The following ARID1B variants were observed in gnomAD, a reference collection of about 807,000 sequenced individuals.
ARID1B encodes the protein AT-rich interaction domain 1B.
In ARID1B, 30 loss-of-function variants were observed where a neutral mutation model predicts 212.3. The ratio of observed to expected loss-of-function variants is 0.14; its 90% CI spans 0.11 to 0.19. The LOEUF is 0.19. Ranked by LOEUF, ARID1B falls within the 10% of genes least tolerant of loss-of-function variation. ARID1B has a pLI of 1.00. For missense variants in ARID1B, 2,891 were observed against 3,204.0 expected (o/e 0.90, Z 2.36); for synonymous variants, 1,402 against 1,301.7 (o/e 1.08, Z -1.66).
chr6:157,023,257 C>T (rs1169131448), intron 4 of ARID1B: 2 of 152,226 alleles, frequency 1.3e-5, no homozygotes, highest in Non-Finnish European at 2.9e-5. Context: ...TGAGGATAAA[C>T]ACTGATTGGT....
rs1294708279 is a variant in ARID1B at position 156,777,975 on chromosome 6, G to A, written c.295G>A (p.Ala99Thr). Residue 99 changes from alanine (A) to threonine (T), a missense_variant, in exon 1 of 20, where the codon GCC becomes ACC. This residue lies in a region of ARID1B where 1,643 missense variants were observed against 1,544.0 expected (regional missense o/e 1.06). Transcript: ENST00000636930. ...GAAAAAGTHS[A>T]KSGGSEAALK... is the part of the protein sequence containing the mutation. ...CGCGGCCGCCGCCGGCACCCACAGC[G>A]CCAAGAGCGGCGGCTCCGAGGCGGC... 9 of 1,530,648 alleles carry A rather than the reference G, an allele frequency of 5.9e-6. No individual in the cohort carries two copies. Among genetic ancestry groups the A allele is most frequent in the South Asian group, 1.2e-5 (1 of 83,650 alleles). The allele number at this position is 1,530,648 out of a possible 1,614,324, so 94.8% of individuals were successfully genotyped here.
intron 7 of ARID1B, among the ~76,000 whole-genome samples, chr6:157,137,584 T>C (rs1325528881): frequency 6.6e-6 from 1 of 152,246 alleles, no homozygotes; most frequent in Non-Finnish European, 1.5e-5. Flanking sequence ...TCACACTGAC[T>C]ATCCAGAAAT....
At chr6:156,803,452 A>G (rs543293915) in intron 1 of ARID1B, among the ~76,000 whole-genome samples, 2 of 152,132 alleles carry the variant, frequency 1.3e-5, no homozygotes, top group African/African-American at 4.8e-5. Context: ...CTGTGTGTCT[A>G]TCTATAAATC....
intron 2 of ARID1B, among the ~76,000 whole-genome samples, chr6:156,831,741 T>C (rs981347790): frequency 2.6e-5 from 4 of 152,254 alleles, no homozygotes; most frequent in African/African-American, 9.6e-5. Context: ...AGGGACAAAT[T>C]GATGTAGGTT....
At chr6:156,959,593 A>G (rs1313810166) in intron 4 of ARID1B, among the ~76,000 whole-genome samples, 6 of 152,124 alleles carry the variant, frequency 3.9e-5, no homozygotes, top group Non-Finnish European at 8.8e-5. Flanking sequence ...AAGGAGGATC[A>G]GGAGGGTTGT....
intron 4 of ARID1B, among the ~76,000 whole-genome samples, chr6:157,077,874 TAGATAGG>T (rs1006241121): frequency 2.9e-4 from 44 of 152,264 alleles, no homozygotes; most frequent in African/African-American, 9.9e-4. Flanking sequence ...CTACAAAACT[TAGATAGG>T]GCTTGCTTAA....
intron 4 of ARID1B, among the ~76,000 whole-genome samples, chr6:156,964,040 C>T (rs1221745352): frequency 1.3e-5 from 2 of 152,258 alleles, no homozygotes; most frequent in Non-Finnish European, 2.9e-5. Flanking sequence ...CAGAATCTCT[C>T]TGTCACCCTT....
chr6:157,206,824 G>T lies in ARID1B; in HGVS notation c.6052G>T (p.Gly2018Trp), dbSNP rs762232098. ...GGCATTGCCTGAAGACGCAAACCCT[G>T]GGCCCCAGACCGAAAGCAGTAAGTT... ...PGALPEDANPGPQTESSKFPF... is the reference protein window; with the variant it reads ...PGALPEDANPWPQTESSKFPF... The change falls in exon 20 of 20, where the codon GGG becomes TGG. Residue 2018 changes from glycine to tryptophan, a missense_variant. Coordinates refer to ENST00000636930, the MANE Select transcript of ARID1B (RefSeq NM_001374828.1). The surrounding 1 kb of genome is among the most constrained non-coding windows in gnomAD (Gnocchi z 6.8). 5.6e-6 allele frequency: 9 copies of T among 1,614,054 alleles called. No homozygotes were observed. The highest frequency in any genetic ancestry group is 7.6e-6 in the Non-Finnish European group (9 of 1,180,028).
intron 13 of ARID1B, among the ~76,000 whole-genome samples, chr6:157,188,706 G>A (rs1035924945): frequency 6.6e-6 from 1 of 152,196 alleles, no homozygotes; most frequent in Non-Finnish European, 1.5e-5. Context: ...GTGTATGTGA[G>A]CATAGAAGAG....
chr6:157,172,407 T>C (rs1409541599), intron 9 of ARID1B, among the ~76,000 whole-genome samples: 3 of 152,206 alleles, frequency 2.0e-5, no homozygotes, highest in African/African-American at 7.2e-5. Flanking sequence ...AAAGTCTAAG[T>C]ATTGAAAGTA....
At chr6:156,785,350 C>T (rs1279225881) in intron 1 of ARID1B, among the ~76,000 whole-genome samples, 1 of 152,182 alleles carries the variant, frequency 6.6e-6, no homozygotes, top group East Asian at 1.9e-4. Context: ...GTGCACTTCT[C>T]AGTGTCTTCC....
At chr6:156,851,405 G>A (rs1259832558) in intron 2 of ARID1B, among the ~76,000 whole-genome samples, 1 of 152,176 alleles carries the variant, frequency 6.6e-6, no homozygotes, top group East Asian at 1.9e-4. Context: ...TGAAGAGTAC[G>A]TTTTTAAAAA....
chr6:156,914,835 T>C lies in ARID1B; in HGVS notation c.2136+13310T>C, dbSNP rs369261180. 3.2e-4 allele frequency among the ~76,000 whole-genome samples: 48 copies of C among 152,314 alleles called. No homozygotes were observed. The South Asian group carries it at 8.7e-3, about 28-fold the overall frequency. ...TTCCCCCATCCCAACAATATGTATG[T>C]CAATCCATCCTTTCTGACCCTTTGA... On this transcript the variant is annotated intron_variant, in intron 3 of 19. Transcript: ENST00000636930.
At position 157,206,546 on chromosome 6, in the gene ARID1B, G is replaced by A. The variant is rs751043203; in HGVS notation, c.5774G>A (p.Arg1925Gln). The A allele has an allele frequency of 6.1e-5, 99 of 1,614,038 alleles. No homozygotes were observed. In the East Asian group the frequency reaches 1.9e-3, roughly 31 times the overall value. ...VKKNNLFVVD[R>Q]SDKLGRVQEF... Reference sequence around the variant, plus strand: ...AAGAACAACCTGTTTGTTGTTGACCGATCTGACAAGTTGGGGCGTGTGCAG... The same window carrying A: ...AAGAACAACCTGTTTGTTGTTGACCAATCTGACAAGTTGGGGCGTGTGCAG... The change falls in exon 20 of 20, where the codon CGA becomes CAA. Residue 1925 changes from arginine (R) to glutamine (Q), a missense_variant. By Grantham distance (43) the Arg-to-Gln change is conservative. Coordinates refer to ENST00000636930, the MANE Select transcript of ARID1B (RefSeq NM_001374828.1). The surrounding 1 kb of genome is among the most constrained non-coding windows in gnomAD (Gnocchi z 6.8).
chr6:156,851,955 A>C (rs1259739860), intron 2 of ARID1B, among the ~76,000 whole-genome samples: 1 of 152,206 alleles, frequency 6.6e-6, no homozygotes, highest in Non-Finnish European at 1.5e-5. Flanking sequence ...TCTCAGCGCA[A>C]GGCTGGTCTA....
rs56802693 is a variant in ARID1B at position 156,950,814 on chromosome 6, A to G, written c.2247+15238A>G. 5.0e-3 allele frequency among the ~76,000 whole-genome samples: 769 copies of G among 152,338 alleles called. 9 individuals carry two copies. The highest frequency in any genetic ancestry group is 0.018 in the African/African-American group (737 of 41,580). ...CAACATTTTTATTGACTGTCCTGTC[A>G]TATCCCTTCTTAAATCATACTTACT... On this transcript the variant is annotated intron_variant, in intron 4 of 19. Coordinates refer to ENST00000636930, the MANE Select transcript of ARID1B (RefSeq NM_001374828.1).
intron 3 of ARID1B, among the ~76,000 whole-genome samples, chr6:156,904,064 C>T (rs1388359881): frequency 2.6e-5 from 4 of 152,124 alleles, no homozygotes; most frequent in Non-Finnish European, 5.9e-5. Flanking sequence ...AGTCTCTTCC[C>T]GTCTTAGTTC....
At chr6:156,788,218 C>T (rs1244248181) in intron 1 of ARID1B, among the ~76,000 whole-genome samples, 1 of 152,060 alleles carries the variant, frequency 6.6e-6, no homozygotes, top group Non-Finnish European at 1.5e-5. Context: ...CTTATTAAAC[C>T]ACACTAGATC....
chr6:157,038,833 T>C (rs1207414776), intron 4 of ARID1B, among the ~76,000 whole-genome samples: 1 of 152,142 alleles, frequency 6.6e-6, no homozygotes, highest in African/African-American at 2.4e-5. Flanking sequence ...CCAGCAGCTC[T>C]CATAGTCTGC....
Sources: gnomAD v4.1 joint callset for allele counts (sites outside exome capture counted in the v4.1 genomes callset) on GRCh38, gnomAD v4.1.1 for gene constraint, gnomAD v4.1.1 regional missense constraint, Gnocchi (gnomAD v3.1) non-coding constraint, MANE v1.5 for transcripts, NCBI Gene and HGNC (gene_info 2026-07-23, HGNC 2026-07-21) for gene names.